Variants in MCC observed in about 807,000 individuals in gnomAD.
MCC encodes MCC regulator of Wnt signaling pathway, also known as colorectal mutant cancer protein.
A neutral mutation model predicts 116.2 loss-of-function variants in MCC; 90 were observed. The observed-to-expected ratio is 0.77, with a 90% CI of 0.65 to 0.92. The LOEUF (loss-of-function observed/expected upper bound fraction) is 0.92. Ranked by LOEUF, MCC falls within the 40% of genes least tolerant of loss-of-function variation. The probability of loss-of-function intolerance (pLI) is 0.00; values close to 1 mark genes in which losing one functional copy is unlikely to be tolerated. For missense variants in MCC, 1,516 were observed against 1,312.2 expected (o/e 1.16, Z -2.40); for synonymous variants, 578 against 510.5 (o/e 1.13, Z -1.78).
At chr5:113,346,941 G>GAA (rs781393596) in intron 2 of MCC, among the ~76,000 whole-genome samples, 6 of 131,638 alleles carry the variant, frequency 4.6e-5, no homozygotes, top group Non-Finnish European at 1.7e-5. Context: ...AGTGCTGAAG[G>GAA]AAAAAAAAAA....
At chr5:113,354,729 C>T (rs1013211959) in intron 2 of MCC, among the ~76,000 whole-genome samples, 13 of 150,414 alleles carry the variant, frequency 8.6e-5, no homozygotes, top group East Asian at 3.9e-4. Context: ...CCACCGTGCC[C>T]GGCCCCTTTT....
chr5:113,203,033 G>A (rs991316462), intron 3 of MCC, among the ~76,000 whole-genome samples: 1 of 152,128 alleles, frequency 6.6e-6, no homozygotes, highest in Admixed American at 6.5e-5. Context: ...ACCAAGCCAG[G>A]AAATCTTTTG....
intron 5 of MCC, among the ~76,000 whole-genome samples, chr5:113,125,317 C>T (rs1757980813): frequency 6.6e-6 from 1 of 151,812 alleles, no homozygotes; most frequent in Admixed American, 6.6e-5. Flanking sequence ...CTATGGTAAT[C>T]ATTATAAGTA....
chr5:113,051,603 T>C (rs1354164007), intron 15 of MCC, among the ~76,000 whole-genome samples: 1 of 152,060 alleles, frequency 6.6e-6, no homozygotes, highest in African/African-American at 2.4e-5. Context: ...TGCATTCCTG[T>C]AGTCCCGGCT....
At chr5:113,184,392 T>G (rs956736085) in intron 3 of MCC, among the ~76,000 whole-genome samples, 1 of 152,128 alleles carries the variant, frequency 6.6e-6, no homozygotes, top group Non-Finnish European at 1.5e-5. Context: ...GAAGAAAAAT[T>G]AGACCAACTT....
intron 2 of MCC, among the ~76,000 whole-genome samples, chr5:113,351,630 G>T (rs1413582207): frequency 1.3e-5 from 2 of 152,122 alleles, no homozygotes; most frequent in Non-Finnish European, 2.9e-5. Flanking sequence ...CCTACTGTTT[G>T]CTAGCAGAAC....
chr5:113,086,193 G>A (rs545531556), intron 8 of MCC, among the ~76,000 whole-genome samples: 2 of 152,262 alleles, frequency 1.3e-5, no homozygotes, highest in South Asian at 4.1e-4. Context: ...GCAGAAAAAG[G>A]GAAGAATATA....
chr5:113,258,699 G>C (rs1325699936), intron 3 of MCC, among the ~76,000 whole-genome samples: 1 of 152,206 alleles, frequency 6.6e-6, no homozygotes, highest in African/African-American at 2.4e-5. Flanking sequence ...GGAGAACTGA[G>C]GTGAGGGTGG....
rs1767992228 is a variant in MCC at position 113,340,794 on chromosome 5, T to C, written c.416-64A>G. The stretch of plus-strand genomic sequence containing the variant: ...CCTTCATTAGCCTGTGGGTGGCCAA[T>C]AGGCAATGATTTGGAACCTCCTAAG... On this transcript the variant is annotated intron_variant, in intron 2 of 18. Transcript: ENST00000408903. The C allele has an allele frequency of 1.1e-5, 15 of 1,367,052 alleles. No homozygotes were observed. The East Asian group carries it at 2.9e-4, about 26-fold the overall frequency. 84.7% of individuals were successfully genotyped at this position (1,367,052 alleles called of 1,614,324 possible). A position where few individuals can be genotyped will look rare whatever the true frequency, so the allele number is the denominator to read the frequency against.
At chr5:113,322,992 C>T (rs1051590570) in intron 3 of MCC, 8 of 152,362 alleles carry the variant, frequency 5.3e-5, no homozygotes, top group Admixed American at 1.3e-4. Flanking sequence ...GACATTGTAG[C>T]TCTGCCTTGC....
At chr5:113,109,255 G>A (rs948065044) in intron 6 of MCC, among the ~76,000 whole-genome samples, 2 of 152,220 alleles carry the variant, frequency 1.3e-5, no homozygotes, top group Non-Finnish European at 2.9e-5. Flanking sequence ...CCAAAAGGTG[G>A]AAGTAGCCCA....
intron 11 of MCC, among the ~76,000 whole-genome samples, chr5:113,081,219 G>A (rs1341765221): frequency 6.6e-6 from 1 of 152,202 alleles, no homozygotes; most frequent in Non-Finnish European, 1.5e-5. Context: ...CAGCAGCTAG[G>A]ATCACAGAGA....
intron 2 of MCC, among the ~76,000 whole-genome samples, chr5:113,361,746 G>A (rs1768553776): frequency 6.6e-6 from 1 of 152,172 alleles, no homozygotes; most frequent in Admixed American, 6.5e-5. Context: ...ATCAGTTGAG[G>A]GACCAGATGG....
chr5:113,094,996 C>T (rs1755919668), intron 8 of MCC, among the ~76,000 whole-genome samples: 1 of 152,184 alleles, frequency 6.6e-6, no homozygotes, highest in African/African-American at 2.4e-5. Context: ...AAAACTCCCT[C>T]AGTCTACAGA....
rs1488453663 is a variant in MCC at position 113,194,718 on chromosome 5, A to AGGG, written c.628-43297_628-43296insCCC. 5.3e-5 allele frequency among the ~76,000 whole-genome samples: 8 copies of AGGG among 152,150 alleles called. No individual in the cohort carries two copies. The East Asian group carries it at 9.6e-4, about 18-fold the overall frequency. On this transcript the variant is annotated intron_variant, in intron 3 of 18. Transcript: ENST00000408903. ...AAGGGGAAGGGAAAGGGAAAGGGGA[A>AGGG]GAGAAGAGGCCTCCTGATTCCCTAT...
intron 1 of MCC, among the ~76,000 whole-genome samples, chr5:113,413,932 C>T (rs1364100268): frequency 6.6e-6 from 1 of 152,198 alleles, no homozygotes; most frequent in African/African-American, 2.4e-5. Context: ...TCCCTCTACA[C>T]ACTGCTTTAA....
At chr5:113,095,688 A>T (rs530797508) in intron 8 of MCC, among the ~76,000 whole-genome samples, 8 of 146,768 alleles carry the variant, frequency 5.5e-5, no homozygotes, top group East Asian at 4.0e-4. Context: ...TTGGCTAATT[A>T]AAAAAAAAAA....
intron 3 of MCC, among the ~76,000 whole-genome samples, chr5:113,337,034 C>CCATGTAAACATTTCTCCTTTGT (rs1169058967): frequency 2.0e-5 from 3 of 152,174 alleles, no homozygotes; most frequent in Non-Finnish European, 4.4e-5. Flanking sequence ...TGGAGCTGGA[C>CCATGTAAACATTTCTCCTTTGT]CATGTAAACA....
At chr5:113,482,446 C>A (rs993250904) in intron 1 of MCC, among the ~76,000 whole-genome samples, 4 of 126,602 alleles carry the variant, frequency 3.2e-5, no homozygotes, top group African/African-American at 1.3e-4. Context: ...TGATTATAGT[C>A]TTCCTAGTGG....
Sources: allele counts gnomAD v4.1 joint callset (sites outside exome capture counted in the v4.1 genomes callset), GRCh38; gene constraint gnomAD v4.1.1; transcripts MANE v1.5; gene names NCBI Gene and HGNC (gene_info 2026-07-23, HGNC 2026-07-21).